Variants in WASHC3 observed in about 807,000 individuals in gnomAD.
WASHC3 encodes WASH complex subunit 3.
Under a neutral mutation model 26.1 loss-of-function variants are expected in WASHC3, and 24 were observed. The observed-to-expected ratio is 0.92, with a 90% CI of 0.66 to 1.29. The LOEUF is 1.29. WASHC3 is among the 50% of genes most tolerant of loss of function. The pLI, the probability that WASHC3 is intolerant of heterozygous loss-of-function variation, is 0.00. For missense variants in WASHC3, 214 were observed against 229.6 expected (o/e 0.93, Z 0.44); for synonymous variants, 77 against 75.7 (o/e 1.02, Z -0.09).
chr12:102,025,768 T>C (rs1259194977), intron 6 of WASHC3, among the ~76,000 whole-genome samples: 1 of 151,758 alleles, frequency 6.6e-6, no homozygotes, highest in Non-Finnish European at 1.5e-5. Flanking sequence ...CTATTGAAAC[T>C]GTTCCTAAAA....
intron 6 of WASHC3, among the ~76,000 whole-genome samples, chr12:102,018,797 TATTTA>T (rs1424275921): frequency 2.0e-5 from 3 of 152,036 alleles, no homozygotes; most frequent in Non-Finnish European, 4.4e-5. Flanking sequence ...TTTATTTATT[TATTTA>T]GAGATGAAGT....
intron 2 of WASHC3, among the ~76,000 whole-genome samples, chr12:102,050,920 C>T (rs1028932884): frequency 6.6e-6 from 1 of 152,208 alleles, no homozygotes; most frequent in Non-Finnish European, 1.5e-5. Context: ...ACCCTAAGTA[C>T]CTCTGTAATG....
At chr12:102,026,477 C>A (rs1877196006) in intron 5 of WASHC3, among the ~76,000 whole-genome samples, 1 of 152,114 alleles carries the variant, frequency 6.6e-6, no homozygotes, top group Non-Finnish European at 1.5e-5. Context: ...TTTTAATAAG[C>A]AAAGAGTCCA....
intron 6 of WASHC3, 71 bp from the exon 7 acceptor site, chr12:102,013,263 T>G: frequency 1.3e-6 from 1 of 758,166 alleles, no homozygotes; most frequent in Non-Finnish European, 2.2e-6. Context: ...CTCTTAAATT[T>G]GGTTCATCTT....
chr12:102,027,067 T>C (rs1400826321), intron 5 of WASHC3, among the ~76,000 whole-genome samples: 1 of 152,212 alleles, frequency 6.6e-6, no homozygotes. Context: ...CAAATAATAA[T>C]TGCACATGTT....
chr12:102,061,653 G>A (rs1370740033), intron 1 of WASHC3, among the ~76,000 whole-genome samples: 1 of 152,196 alleles, frequency 6.6e-6, no homozygotes, highest in East Asian at 1.9e-4. Context: ...CGCAACCGGC[G>A]TGTGTCGCCG....
At chr12:102,039,182 C>T (rs774603103) in intron 5 of WASHC3, among the ~76,000 whole-genome samples, 7 of 143,494 alleles carry the variant, frequency 4.9e-5, no homozygotes, top group African/African-American at 1.8e-4. Context: ...TGCTTTGTTG[C>T]CCAGGCTGGT....
chr12:102,037,856 C>T (rs1282913884), intron 5 of WASHC3, among the ~76,000 whole-genome samples: 1 of 151,670 alleles, frequency 6.6e-6, no homozygotes, highest in Non-Finnish European at 1.5e-5. Flanking sequence ...GAGTACAATG[C>T]GTGATCTTGG....
chr12:102,061,805 A>G, intron 1 of WASHC3, 107 bp downstream of exon 1: 2 of 940,994 alleles, frequency 2.1e-6, no homozygotes, highest in African/African-American at 3.3e-5. Flanking sequence ...CAAGGGCCCG[A>G]GGCCGTGACA....
chr12:102,026,253 A>C (rs1877182718), intron 5 of WASHC3, among the ~76,000 whole-genome samples: 1 of 152,116 alleles, frequency 6.6e-6, no homozygotes, highest in African/African-American at 2.4e-5. Flanking sequence ...CATAAGCCCA[A>C]ATTACATCAT....
chr12:102,040,774 T>C (rs1877906031), intron 4 of WASHC3, among the ~76,000 whole-genome samples: 1 of 152,096 alleles, frequency 6.6e-6, no homozygotes, highest in African/African-American at 2.4e-5. Context: ...TAGAACTGCC[T>C]GTATACAGTA....
At chr12:102,015,183 C>T (rs1290905285) in intron 6 of WASHC3, among the ~76,000 whole-genome samples, 2 of 152,022 alleles carry the variant, frequency 1.3e-5, no homozygotes, top group Admixed American at 1.3e-4. Context: ...ACTGTGCCAG[C>T]TACTTTGGAG....
At chr12:102,051,563 G>A (rs1004134514) in intron 2 of WASHC3, among the ~76,000 whole-genome samples, 4 of 152,352 alleles carry the variant, frequency 2.6e-5, no homozygotes, top group African/African-American at 7.2e-5. Context: ...CTCACTTGAA[G>A]TTGACATAAG....
In WASHC3 at chr12:102,025,983, T is replaced by A. The variant is rs1343087292; in HGVS notation, c.491A>T (p.Asp164Val). ...NKMISEGLDP[D>V]LLERPDAPVP... Reference sequence around the variant, plus strand: ...TAGAAGAATTACTTACTCAAGAAGATCTGGGTCTAGTCCTTCTGATATCAT... The same window carrying A: ...TAGAAGAATTACTTACTCAAGAAGAACTGGGTCTAGTCCTTCTGATATCAT... Residue 164 changes from aspartate (D) to valine (V), a missense_variant, in exon 6 of 7, where the codon GAT becomes GTT. Asp to Val is a radical substitution (Grantham distance 152). Coordinates refer to ENST00000240079, the MANE Select transcript of WASHC3 (RefSeq NM_016053.4). 6.7e-7 allele frequency: 1 copy of A among 1,497,038 alleles called. No homozygotes were observed. Among genetic ancestry groups the A allele is most frequent in the Non-Finnish European group, 9.1e-7 (1 of 1,092,936 alleles). 92.7% of individuals were successfully genotyped at this position (1,497,038 alleles called of 1,614,324 possible). A position where few individuals can be genotyped will look rare whatever the true frequency, so the allele number is the denominator to read the frequency against.
At position 102,061,978 on chromosome 12, in the gene WASHC3, T is replaced by G. The variant is rs1386482900; in HGVS notation, c.-16A>C. On this transcript the variant is annotated 5_prime_UTR_variant, in exon 1 of 7. Transcript: ENST00000240079. ...CCTCATCCATCTCCTCAGCGGGCGGTGGACCCCGAGTTCACCCACAAACCC... is the reference window on the plus strand; with the variant it reads ...CCTCATCCATCTCCTCAGCGGGCGGGGGACCCCGAGTTCACCCACAAACCC... 1 of 1,589,222 alleles carries G rather than the reference T, an allele frequency of 6.3e-7. No homozygotes were observed. The highest frequency in any genetic ancestry group is 8.6e-7 in the Non-Finnish European group (1 of 1,166,540).
At chr12:102,053,919 A>G (rs1241723295) in intron 2 of WASHC3, among the ~76,000 whole-genome samples, 1 of 152,238 alleles carries the variant, frequency 6.6e-6, no homozygotes, top group African/African-American at 2.4e-5. Context: ...TATGCAGTAT[A>G]AAAAGATATA....
chr12:102,044,141 AT>A lies in WASHC3; in HGVS notation c.287del (p.Asn96MetfsTer33), dbSNP rs866472985. ...CTGAAGTGGCTTCAGGATGTGCTCC[AT>A]TTGTGACACTGGTGACATTTAAAGG... ...VSPLNVTSVTNGAHPEATSEQ... is the reference protein window; with the variant it reads ...VSPLNVTSVTXGAHPEATSEQ... On this transcript the variant is annotated frameshift_variant, in exon 4 of 7. Transcript: ENST00000240079. LOFTEE classifies it high-confidence loss of function. The A allele has an allele frequency of 3.2e-5, 52 of 1,609,640 alleles. No individual in the cohort carries two copies. Among genetic ancestry groups the A allele is most frequent in the Non-Finnish European group, 4.3e-5 (51 of 1,177,672 alleles).
At chr12:102,020,990 G>A (rs766853551) in intron 6 of WASHC3, among the ~76,000 whole-genome samples, 5 of 152,200 alleles carry the variant, frequency 3.3e-5, no homozygotes, top group Non-Finnish European at 7.3e-5. Context: ...GCTGAGGCAG[G>A]AGAATCGCTT....
In WASHC3 at chr12:102,040,748, T is replaced by C. The variant is rs550000946; in HGVS notation, c.325-770A>G. On this transcript the variant is annotated intron_variant, in intron 4 of 6. Transcript: ENST00000240079. ...TGCATATGAGAACCATATCCTTGCTTAAATGCAAAACTAGATAGAACTGCC... is the reference window on the plus strand; with the variant it reads ...TGCATATGAGAACCATATCCTTGCTCAAATGCAAAACTAGATAGAACTGCC... Among the ~76,000 whole-genome samples the C allele has an allele frequency of 2.6e-5, 4 of 152,192 alleles. No homozygotes were observed. The South Asian group carries it at 8.3e-4, about 32-fold the overall frequency.
Sources: allele counts gnomAD v4.1 joint callset (sites outside exome capture counted in the v4.1 genomes callset), GRCh38; gene constraint gnomAD v4.1.1; transcripts MANE v1.5; gene names NCBI Gene and HGNC (gene_info 2026-07-23, HGNC 2026-07-21).